The following DOCK3 variants were observed in gnomAD, a reference collection of about 807,000 sequenced individuals.
DOCK3 encodes dedicator of cytokinesis protein 3.
DOCK3 carries 60 observed loss-of-function variants against 265.6 expected under a neutral mutation model. That is an observed-to-expected ratio of 0.23 (90% CI 0.18 to 0.28). DOCK3 has a LOEUF of 0.28. DOCK3 is among the 10% of genes least tolerant of loss of function. The pLI, the probability that DOCK3 is intolerant of heterozygous loss-of-function variation, is 1.00. For missense variants in DOCK3, 1,981 were observed against 2,594.3 expected, an observed-to-expected ratio of 0.76 and a Z score of 5.14; for synonymous variants, 881 against 938.0, an observed-to-expected ratio of 0.94 and a Z score of 1.11.
intron 1 of DOCK3, among the ~76,000 whole-genome samples, chr3:50,745,481 A>G (rs947334264): frequency 6.6e-6 from 1 of 152,240 alleles, no homozygotes; most frequent in Non-Finnish European, 1.5e-5. Context: ...TTCATTATGC[A>G]AGTCTTATAC....
intron 6 of DOCK3, among the ~76,000 whole-genome samples, chr3:51,070,162 G>A (rs948976143): frequency 6.6e-6 from 1 of 152,186 alleles, no homozygotes; most frequent in Non-Finnish European, 1.5e-5. Flanking sequence ...TAGGCACTAT[G>A]TGAACGTATT....
rs2086413858 is a variant in DOCK3, at chr3:51,357,046, C to G, written c.4588C>G (p.His1530Asp). 1.2e-6 allele frequency: 2 copies of G among 1,613,288 alleles called. No homozygotes were observed. Among genetic ancestry groups the G allele is most frequent in the African/African-American group, 2.7e-5 (2 of 74,920 alleles). Residue 1530 changes from histidine (H) to aspartate (D), a missense_variant, in exon 44 of 53, where the codon CAC (histidine) becomes GAC (aspartate). Coordinates refer to ENST00000266037, the MANE Select transcript of DOCK3 (RefSeq NM_004947.5). ...ACGCTCCCTGATCAGCCAGTATCAA[C>G]ACAAGCAGGTGCATGGCAACATTAA... is the stretch of plus-strand genomic sequence containing the variant. ...ELRSLISQYQHKQVHGNINLL... is the reference protein window; with the variant it reads ...ELRSLISQYQDKQVHGNINLL...
intron 5 of DOCK3, among the ~76,000 whole-genome samples, chr3:50,977,938 G>T (rs1402002974): frequency 6.6e-6 from 1 of 151,892 alleles, no homozygotes; most frequent in Non-Finnish European, 1.5e-5. Context: ...GATCGCATCG[G>T]CTCCTGAGGC....
intron 3 of DOCK3, chr3:50,863,275 T>A (rs2046996076): frequency 7.3e-6 from 3 of 411,338 alleles, no homozygotes; most frequent in Non-Finnish European, 1.4e-5. Context: ...TAGTGGCTTA[T>A]GACAAGTGCC....
At chr3:50,980,987 T>G (rs1377866436) in intron 5 of DOCK3, among the ~76,000 whole-genome samples, 1 of 152,138 alleles carries the variant, frequency 6.6e-6, no homozygotes, top group African/African-American at 2.4e-5. Flanking sequence ...TTTGTTTCCA[T>G]CCACTAATTT....
intron 3 of DOCK3, among the ~76,000 whole-genome samples, chr3:50,870,006 T>A (rs1218745506): frequency 6.6e-6 from 1 of 152,186 alleles, no homozygotes; most frequent in African/African-American, 2.4e-5. Context: ...TTTCCATTTT[T>A]AAAATATTGT....
At position 51,281,297 on chromosome 3, in the gene DOCK3, A is replaced by ATATATATATATATATATG. The variant is rs889323835; in HGVS notation, c.2922+1102_2922+1103insATATATATGTATATATAT. 1.8e-3 allele frequency among the ~76,000 whole-genome samples: 241 copies of ATATATATATATATATATG among 136,676 alleles called. 2 individuals are homozygous for ATATATATATATATATATG. Among genetic ancestry groups the ATATATATATATATATATG allele is most frequent in the African/African-American group, 6.7e-3 (233 of 35,020 alleles). 89.7% of individuals were successfully genotyped at this position (136,676 alleles called of 152,430 possible). A position where few individuals can be genotyped will look rare whatever the true frequency, so the allele number is the denominator to read the frequency against. Reference sequence around the variant, plus strand: ...AAAATATATATATATATATATATATATATATATATCTCATAATATTTTAAG... The same window carrying ATATATATATATATATATG: ...AAAATATATATATATATATATATATATATATATATATATATATGTATATATATCTCATAATATTTTAAG... On this transcript the variant is annotated intron_variant, in intron 27 of 52. Transcript: ENST00000266037.
intron 6 of DOCK3, among the ~76,000 whole-genome samples, chr3:51,065,725 A>T (rs972953235): frequency 1.3e-5 from 2 of 152,244 alleles, no homozygotes; most frequent in Admixed American, 6.5e-5. Context: ...AGGACTTTAA[A>T]GTATAATGAG....
chr3:50,922,328 G>A (rs1204593305), intron 4 of DOCK3, among the ~76,000 whole-genome samples: 1 of 152,200 alleles, frequency 6.6e-6, no homozygotes, highest in Non-Finnish European at 1.5e-5. Context: ...AGTGATCGAG[G>A]CTCCGTGGGT....
At chr3:51,145,084 AC>A (rs1383208116) in intron 9 of DOCK3, among the ~76,000 whole-genome samples, 1 of 152,240 alleles carries the variant, frequency 6.6e-6, no homozygotes, top group African/African-American at 2.4e-5. Context: ...TCCTGAAATT[AC>A]GTATATTATT....
At chr3:50,700,786 T>C (rs2035988498) in intron 1 of DOCK3, among the ~76,000 whole-genome samples, 1 of 152,218 alleles carries the variant, frequency 6.6e-6, no homozygotes, top group African/African-American at 2.4e-5. Context: ...TCCTTTCTTT[T>C]GGATAGATAC....
chr3:50,752,154 A>G (rs1228268424), intron 1 of DOCK3, among the ~76,000 whole-genome samples: 1 of 152,154 alleles, frequency 6.6e-6, no homozygotes, highest in African/African-American at 2.4e-5. Context: ...TTTCACTGGA[A>G]GCTTTCTTTG....
chr3:51,362,247 A>G (rs1019620938), intron 48 of DOCK3, among the ~76,000 whole-genome samples: 14 of 152,210 alleles, frequency 9.2e-5, no homozygotes, highest in African/African-American at 3.1e-4. Flanking sequence ...CCCACGGGAA[A>G]GATCCTCTGC....
At chr3:51,320,273 A>G (rs994678548) in intron 32 of DOCK3, among the ~76,000 whole-genome samples, 2 of 152,250 alleles carry the variant, frequency 1.3e-5, no homozygotes, top group East Asian at 1.9e-4. Flanking sequence ...GAACTGTGCA[A>G]TCCGGCCCAG....
At chr3:50,759,326 C>G (rs2040388660) in intron 1 of DOCK3, among the ~76,000 whole-genome samples, 1 of 152,010 alleles carries the variant, frequency 6.6e-6, no homozygotes, top group South Asian at 2.1e-4. Context: ...ACATCCCCAC[C>G]AGCAATGCAA....
At chr3:51,299,752 A>G (rs983793819) in intron 27 of DOCK3, among the ~76,000 whole-genome samples, 1 of 152,000 alleles carries the variant, frequency 6.6e-6, no homozygotes, top group Non-Finnish European at 1.5e-5. Context: ...TGAGATCGCT[A>G]TTCTGTTTCA....
intron 1 of DOCK3, among the ~76,000 whole-genome samples, chr3:50,735,739 C>T (rs2038549338): frequency 6.6e-6 from 1 of 152,070 alleles, no homozygotes; most frequent in Admixed American, 6.6e-5. Context: ...TTAGCCTGTT[C>T]TTGCACTGCT....
At chr3:50,734,561 C>T (rs9824522) in intron 1 of DOCK3, among the ~76,000 whole-genome samples, 112,443 of 148,780 alleles carry the variant, frequency 0.76, 43,649 homozygotes, top group Middle Eastern at 0.88. Flanking sequence ...TTTTATGTCA[C>T]AAATACTCTG....
At chr3:50,996,605 C>G (rs1026518322) in intron 5 of DOCK3, among the ~76,000 whole-genome samples, 25 of 152,194 alleles carry the variant, frequency 1.6e-4, no homozygotes, top group African/African-American at 5.3e-4. Context: ...TATACCTTGA[C>G]TTTCAATTTC....
Sources: allele counts gnomAD v4.1 joint callset (sites outside exome capture counted in the v4.1 genomes callset), GRCh38; gene constraint gnomAD v4.1.1; transcripts MANE v1.5; gene names NCBI Gene and HGNC (gene_info 2026-07-23, HGNC 2026-07-21).